Variants in OAF observed in about 807,000 individuals in gnomAD.
OAF encodes out at first homolog, also known as out at first protein homolog.
OAF carries 13 observed loss-of-function variants against 22.5 expected under a neutral mutation model. The observed-to-expected ratio is 0.58, with a 90% CI of 0.38 to 0.92. The LOEUF (loss-of-function observed/expected upper bound fraction) is 0.92, where lower values mean the gene tolerates loss of function less well. Among genes scored for constraint, OAF ranks in the 40% least tolerant of loss-of-function variants. The probability of loss-of-function intolerance (pLI) is 0.00; values close to 1 mark genes in which losing one functional copy is unlikely to be tolerated. For synonymous variants in OAF, 175 were observed against 170.5 expected, an observed-to-expected ratio of 1.03 and a Z score of -0.21; for missense variants, 347 against 381.8, an observed-to-expected ratio of 0.91 and a Z score of 0.76.
rs376205535 is a variant in OAF at position 120,211,356 on chromosome 11, C to A, written c.77C>A (p.Thr26Lys). 2.5e-4 allele frequency: 365 copies of A among 1,440,978 alleles called. 2 individuals carry two copies. The East Asian group carries it at 8.2e-3, about 32-fold the overall frequency. 89.3% of individuals were successfully genotyped at this position (1,440,978 alleles called of 1,614,324 possible). ...CCGCTGCTCGCGCCGCTGCTGGGAA[C>A]GGGTGCGCCGGCCGAGCTGCGGGTC... ...LLPLLAPLLG[T>K]GAPAELRVRV... is the part of the protein sequence containing the mutation. The change falls in exon 1 of 4, where the codon ACG becomes AAG. Residue 26 changes from threonine (T) to lysine (K), a missense_variant. Physicochemically the swap from Thr to Lys is moderately conservative, Grantham distance 78. Transcript: ENST00000328965.
intron 3 of OAF, 55 bp downstream of exon 3, chr11:120,227,051 G>T: frequency 7.4e-7 from 1 of 1,351,450 alleles, no homozygotes. Flanking sequence ...GGGACAGGGA[G>T]ACAGCACAGA....
chr11:120,220,044 C>T (rs1027906407), intron 1 of OAF, among the ~76,000 whole-genome samples: 2 of 152,218 alleles, frequency 1.3e-5, no homozygotes, highest in African/African-American at 4.8e-5. Flanking sequence ...AGAGTCGCTG[C>T]TCTTGAGCCA....
intron 1 of OAF, among the ~76,000 whole-genome samples, chr11:120,220,185 C>T (rs967819443): frequency 7.9e-5 from 12 of 152,106 alleles, no homozygotes; most frequent in African/African-American, 2.9e-4. Flanking sequence ...TGATTCAGCT[C>T]CAAACCACAG....
At position 120,229,152 on chromosome 11, in the gene OAF, A is replaced by C. The variant is rs763296267; in HGVS notation, c.*10A>C. On this transcript the variant is annotated 3_prime_UTR_variant, in exon 4 of 4. Transcript: ENST00000328965. Reference sequence around the variant, plus strand: ...TCCCTACCCAGGCTAGGGTGGGAGCAACCTGGCGGGTGGCTGCTCTGGGCC... The same window carrying C: ...TCCCTACCCAGGCTAGGGTGGGAGCCACCTGGCGGGTGGCTGCTCTGGGCC... 1.1e-5 allele frequency: 18 copies of C among 1,604,928 alleles called. No homozygotes were observed. Among genetic ancestry groups the C allele is most frequent in the Non-Finnish European group, 1.3e-5 (15 of 1,174,046 alleles).
At position 120,223,571 on chromosome 11, in the gene OAF, A is replaced by AT. The variant is rs377253439; in HGVS notation, c.232-2088dup. Among the ~76,000 whole-genome samples, 317 of 152,266 alleles carry AT rather than the reference A, an allele frequency of 2.1e-3. 2 individuals carry two copies. The highest frequency in any genetic ancestry group is 3.6e-3 in the Non-Finnish European group (244 of 68,014). On this transcript the variant is annotated intron_variant, in intron 1 of 3. Transcript: ENST00000328965. The stretch of plus-strand genomic sequence containing the variant: ...GTTCCCATTTTGACAGCATTTTGTT[A>AT]TTGTCATTGATGACATTATTAATAT...
intron 2 of OAF, among the ~76,000 whole-genome samples, chr11:120,226,195 C>T (rs1453033964): frequency 6.6e-6 from 1 of 152,138 alleles, no homozygotes; most frequent in Non-Finnish European, 1.5e-5. Context: ...CACATCTCCT[C>T]CGTCACTCAT....
In OAF at chr11:120,211,429, G is replaced by C; in HGVS notation, c.150G>C (p.Ala50=). Reference sequence around the variant, plus strand: ...AGGTGACCGAGGAGAGCCTGCAGGCGGACAGCGACGCGGACAGCATCAGCC... The same window carrying C: ...AGGTGACCGAGGAGAGCCTGCAGGCCGACAGCGACGCGGACAGCATCAGCC... ...DGQVTEESLQ[A]DSDADSISLE... is the part of the protein sequence containing the mutation. Residue 50 remains alanine (A), a synonymous_variant, in exon 1 of 4, where the codon GCG becomes GCC. Transcript: ENST00000328965. 1 of 1,559,708 alleles carries C rather than the reference G, an allele frequency of 6.4e-7. No individual in the cohort carries two copies. The highest frequency in any genetic ancestry group is 8.6e-7 in the Non-Finnish European group (1 of 1,156,182).
intron 1 of OAF, among the ~76,000 whole-genome samples, chr11:120,219,567 C>T (rs1259252614): frequency 3.9e-5 from 6 of 152,186 alleles, no homozygotes; most frequent in Non-Finnish European, 5.9e-5. Flanking sequence ...CGTCTCTCAG[C>T]GCATTCCCCC....
chr11:120,226,680 T>G, intron 2 of OAF, 136 bp from the exon 3 acceptor site: 1 of 688,818 alleles, frequency 1.5e-6, no homozygotes, highest in Non-Finnish European at 2.4e-6. Context: ...TGGAGAGGGG[T>G]GGGGCTGCCA....
chr11:120,226,922 T>C lies in OAF; in HGVS notation c.473T>C (p.Leu158Pro). 6.2e-7 allele frequency: 1 copy of C among 1,612,580 alleles called. No homozygotes were observed. Among genetic ancestry groups the C allele is most frequent in the Non-Finnish European group, 8.5e-7 (1 of 1,178,844 alleles). Residue 158 changes from leucine (L) to proline (P), a missense_variant, in exon 3 of 4, where the codon CTC becomes CCC. Transcript: ENST00000328965. The stretch of plus-strand genomic sequence containing the variant: ...CAGGGGGCCCTGCTGAGCCCCCATC[T>C]CCACAACGTGTGTGCCGAGGCCGTG... Reference protein sequence around the residue: ...FSQGALLSPHLHNVCAEAVDA... With the variant: ...FSQGALLSPHPHNVCAEAVDA...
chr11:120,212,743 T>G (rs1591357152), intron 1 of OAF, among the ~76,000 whole-genome samples: 1 of 112,110 alleles, frequency 8.9e-6, no homozygotes, highest in African/African-American at 3.5e-5. Flanking sequence ...CCGCTAGAGG[T>G]GGGTGGGGTT....
chr11:120,221,959 A>G (rs1591359545), intron 1 of OAF, among the ~76,000 whole-genome samples: 1 of 152,208 alleles, frequency 6.6e-6, no homozygotes. Flanking sequence ...CCAGCTAAGC[A>G]TCTGCTTTAG....
At chr11:120,218,433 G>C (rs978048906) in intron 1 of OAF, among the ~76,000 whole-genome samples, 11 of 152,200 alleles carry the variant, frequency 7.2e-5, no homozygotes, top group African/African-American at 2.4e-4. Context: ...ACTGCTTCCT[G>C]GCTGGCTCTG....
chr11:120,218,156 AG>A (rs1308485398), intron 1 of OAF, among the ~76,000 whole-genome samples: 7 of 2,242 alleles, frequency 3.1e-3, no homozygotes, highest in Non-Finnish European at 8.5e-3. Flanking sequence ...GGCTGGGGGC[AG>A]GAGCACTGCT....
rs2508489 is a variant in OAF, at chr11:120,228,949, A to G, written c.629A>G (p.His210Arg). The G allele has an allele frequency of 0.82, 1,321,466 of 1,611,212 alleles. 560,802 individuals carry two copies. The highest frequency in any genetic ancestry group is 0.88 in the Middle Eastern group (5,330 of 6,032). ...CCTCGCTGCAGGCAGGTGGGGGACC[A>G]CGGGAAGCCCTGCGTCTGCCGCTAT... ...ELPRCRQVGD[H>R]GKPCVCRYGL... Residue 210 changes from histidine (H) to arginine (R), a missense_variant, in exon 4 of 4, where the codon CAC becomes CGC. Physicochemically the swap from His to Arg is conservative, Grantham distance 29. Coordinates refer to ENST00000328965, the MANE Select transcript of OAF (RefSeq NM_178507.4).
intron 2 of OAF, 106 bp downstream of exon 2, chr11:120,225,901 C>T: frequency 1.1e-6 from 1 of 944,864 alleles, no homozygotes; most frequent in Non-Finnish European, 1.6e-6. Context: ...CAGACCCGAC[C>T]CCTGCAGCCA....
chr11:120,218,020 C>T (rs2465653), intron 1 of OAF, among the ~76,000 whole-genome samples: 19,963 of 152,212 alleles, frequency 0.13, 1,682 homozygotes, highest in African/African-American at 0.21. Flanking sequence ...AGACCCGTCT[C>T]AGGAGCACTG....
intron 1 of OAF, among the ~76,000 whole-genome samples, chr11:120,217,724 G>A (rs1206878077): frequency 6.6e-6 from 1 of 152,214 alleles, no homozygotes; most frequent in South Asian, 2.1e-4. Flanking sequence ...AGAGACAACA[G>A]TGTGATGCTT....
intron 1 of OAF, among the ~76,000 whole-genome samples, chr11:120,220,912 T>TAG (rs1938273269): frequency 6.6e-6 from 1 of 152,164 alleles, no homozygotes; most frequent in Non-Finnish European, 1.5e-5. Flanking sequence ...ACTCGGGTGA[T>TAG]AGTAGCATGG....
Sources: allele counts gnomAD v4.1 joint callset (sites outside exome capture counted in the v4.1 genomes callset), GRCh38; gene constraint gnomAD v4.1.1; transcripts MANE v1.5; gene names NCBI Gene and HGNC (gene_info 2026-07-23, HGNC 2026-07-21).